Variants in ADGRB3 observed in about 807,000 individuals in gnomAD.
ADGRB3 encodes adhesion G protein-coupled receptor B3, also known as brain-specific angiogenesis inhibitor 3.
In ADGRB3, 37 loss-of-function variants were observed where a neutral mutation model predicts 193.4. That is an observed-to-expected ratio of 0.19 (90% CI 0.15 to 0.25). The LOEUF is 0.25. Among genes scored for constraint, ADGRB3 ranks in the 10% least tolerant of loss-of-function variants. ADGRB3 has a pLI of 1.00. For missense variants in ADGRB3, 1,637 were observed against 1,852.9 expected (o/e 0.88, Z 2.14); for synonymous variants, 690 against 644.2 (o/e 1.07, Z -1.08).
At chr6:68,824,119 T>C (rs188396241) in intron 3 of ADGRB3, among the ~76,000 whole-genome samples, 2 of 152,306 alleles carry the variant, frequency 1.3e-5, no homozygotes, top group Non-Finnish European at 2.9e-5. Flanking sequence ...TTTTATCTAT[T>C]TTCACTTTGA....
chr6:69,180,934 C>G (rs1437185131), intron 17 of ADGRB3, among the ~76,000 whole-genome samples: 1 of 152,176 alleles, frequency 6.6e-6, no homozygotes, highest in Non-Finnish European at 1.5e-5. Flanking sequence ...ATCCCAGCAG[C>G]TTTTCCTGGT....
chr6:68,887,926 C>T (rs1765954977), intron 3 of ADGRB3, among the ~76,000 whole-genome samples: 1 of 152,118 alleles, frequency 6.6e-6, no homozygotes, highest in South Asian at 2.1e-4. Context: ...CCCAAAATCC[C>T]CACTCACACA....
intron 15 of ADGRB3, among the ~76,000 whole-genome samples, chr6:69,052,923 C>T (rs975263728): frequency 7.9e-5 from 12 of 152,114 alleles, no homozygotes; most frequent in Admixed American, 2.6e-4. Context: ...TGGTGGCTCA[C>T]GCCTGTAATC....
At chr6:68,946,464 AAACCTCATATAAAT>A (rs1198245050) in intron 6 of ADGRB3, among the ~76,000 whole-genome samples, 1 of 152,170 alleles carries the variant, frequency 6.6e-6, no homozygotes, top group Non-Finnish European at 1.5e-5. Context: ...GCACTTCTGA[AAACCTCATATAAAT>A]ACGCTAGCTT....
intron 3 of ADGRB3, among the ~76,000 whole-genome samples, chr6:68,687,909 T>C (rs1286091493): frequency 6.6e-6 from 1 of 152,224 alleles, no homozygotes; most frequent in Non-Finnish European, 1.5e-5. Context: ...AAATGAGTTT[T>C]CTGTGGTACA....
chr6:68,811,842 T>C (rs1297478093), intron 3 of ADGRB3, among the ~76,000 whole-genome samples: 1 of 152,048 alleles, frequency 6.6e-6, no homozygotes, highest in Non-Finnish European at 1.5e-5. Flanking sequence ...GTGGGAGAAG[T>C]GTCATATGAT....
At chr6:69,044,820 T>C (rs1771192683) in intron 13 of ADGRB3, among the ~76,000 whole-genome samples, 1 of 152,204 alleles carries the variant, frequency 6.6e-6, no homozygotes, top group Non-Finnish European at 1.5e-5. Flanking sequence ...GCGTATTTGT[T>C]CAGGGACACT....
chr6:69,038,608 A>G (rs893041780), intron 13 of ADGRB3, among the ~76,000 whole-genome samples: 1 of 152,214 alleles, frequency 6.6e-6, no homozygotes, highest in African/African-American at 2.4e-5. Context: ...TGTAAAGAAG[A>G]TGAACATTTA....
chr6:68,650,548 A>G (rs1768338851), intron 3 of ADGRB3, among the ~76,000 whole-genome samples: 1 of 152,176 alleles, frequency 6.6e-6, no homozygotes, highest in African/African-American at 2.4e-5. Context: ...TTAAGAATTT[A>G]GTCTAATTTT....
intron 20 of ADGRB3, among the ~76,000 whole-genome samples, chr6:69,242,583 T>A (rs1766408417): frequency 6.6e-6 from 1 of 151,992 alleles, no homozygotes; most frequent in Non-Finnish European, 1.5e-5. Context: ...CTACTGAGTA[T>A]CTCTGCTTCT....
At chr6:68,990,551 A>G (rs943225347) in intron 10 of ADGRB3, among the ~76,000 whole-genome samples, 12 of 152,222 alleles carry the variant, frequency 7.9e-5, no homozygotes, top group African/African-American at 2.9e-4. Flanking sequence ...CAATGACGTT[A>G]ATTTACTACT....
In ADGRB3 at chr6:68,993,751, T is replaced by C. The variant is rs1769305004; in HGVS notation, c.1735-17T>C. On this transcript the variant is annotated splice_polypyrimidine_tract_variant and intron_variant, in intron 10 of 31. Transcript: ENST00000370598. ...ATGAAGATTCTGATGTTTGCTCTGT[T>C]CTTTTGACCATCACAGATTAAAGAG... 6.2e-7 allele frequency: 1 copy of C among 1,605,386 alleles called. No homozygotes were observed. The highest frequency in any genetic ancestry group is 8.5e-7 in the Non-Finnish European group (1 of 1,174,392).
chr6:69,320,868 C>T (rs1768440796), intron 20 of ADGRB3, among the ~76,000 whole-genome samples: 1 of 130,024 alleles, frequency 7.7e-6, no homozygotes, highest in Admixed American at 7.7e-5. Context: ...TTTAGTCTCT[C>T]CTACGCCGGG....
At position 68,895,455 on chromosome 6, in the gene ADGRB3, T is replaced by C. The variant is rs561297684; in HGVS notation, c.758-35104T>C. Among the ~76,000 whole-genome samples, 3 of 152,150 alleles carry C rather than the reference T, an allele frequency of 2.0e-5. No homozygotes were observed. The East Asian group carries it at 5.8e-4, about 29-fold the overall frequency. On this transcript the variant is annotated intron_variant, in intron 3 of 31. Coordinates refer to ENST00000370598, the MANE Select transcript of ADGRB3 (RefSeq NM_001704.3). ...CACCAAGAGGGTGGAATTGAACAAA[T>C]CTGTTTGTGCACTATTTCATAGACT...
rs1292168835 is a variant in ADGRB3, at chr6:69,049,359, G to C, written c.2333+13G>C. 6.4e-7 allele frequency: 1 copy of C among 1,562,342 alleles called. No homozygotes were observed. Among genetic ancestry groups the C allele is most frequent in the African/African-American group, 1.4e-5 (1 of 73,272 alleles). On this transcript the variant is annotated intron_variant, in intron 15 of 31. Coordinates refer to ENST00000370598, the MANE Select transcript of ADGRB3 (RefSeq NM_001704.3). Reference sequence around the variant, plus strand: ...TGCCCACTTTGAGGTAAGCTACAAAGTAATAAACTGTTGTAATTTTGTAAA... The same window carrying C: ...TGCCCACTTTGAGGTAAGCTACAAACTAATAAACTGTTGTAATTTTGTAAA...
intron 8 of ADGRB3, among the ~76,000 whole-genome samples, chr6:68,966,209 A>G (rs185715823): frequency 1.4e-4 from 21 of 152,218 alleles, no homozygotes; most frequent in Non-Finnish European, 3.1e-4. Context: ...CCTCCTAAAT[A>G]AATTTTGAAT....
intron 17 of ADGRB3, among the ~76,000 whole-genome samples, chr6:69,157,164 C>A (rs1222216290): frequency 6.6e-6 from 1 of 152,156 alleles, no homozygotes; most frequent in Non-Finnish European, 1.5e-5. Flanking sequence ...ATGATAATAT[C>A]TACTTTATAG....
intron 13 of ADGRB3, among the ~76,000 whole-genome samples, chr6:69,022,216 T>C (rs1310113946): frequency 6.6e-6 from 1 of 151,772 alleles, no homozygotes; most frequent in Non-Finnish European, 1.5e-5. Context: ...ATATGCCTCT[T>C]TTTAAAAAAA....
chr6:68,655,530 A>G (rs1423856900), intron 3 of ADGRB3, among the ~76,000 whole-genome samples: 2 of 151,714 alleles, frequency 1.3e-5, no homozygotes, highest in Non-Finnish European at 3.0e-5. Flanking sequence ...AAAAGTAATC[A>G]ATTTCTTTAA....
Sources: gnomAD v4.1 joint callset for allele counts (sites outside exome capture counted in the v4.1 genomes callset) on GRCh38, gnomAD v4.1.1 for gene constraint, MANE v1.5 for transcripts, NCBI Gene and HGNC (gene_info 2026-07-23, HGNC 2026-07-21) for gene names.